The following GATAD2A variants were observed in gnomAD, a reference collection of about 807,000 sequenced individuals.
The protein encoded by GATAD2A is transcriptional repressor p66-alpha.
Under a neutral mutation model 68.5 loss-of-function variants are expected in GATAD2A, and 12 were observed. The ratio of observed to expected loss-of-function variants is 0.18; its 90% CI spans 0.11 to 0.28. The LOEUF (loss-of-function observed/expected upper bound fraction) is 0.28. Ranked by LOEUF, GATAD2A falls within the 10% of genes least tolerant of loss-of-function variation. GATAD2A has a pLI of 1.00. For missense variants in GATAD2A, 755 were observed against 868.5 expected, an observed-to-expected ratio of 0.87 and a Z score of 1.64; for synonymous variants, 410 against 375.3, an observed-to-expected ratio of 1.09 and a Z score of -1.07.
intron 1 of GATAD2A, among the ~76,000 whole-genome samples, chr19:19,428,669 C>G (rs950782269): frequency 3.9e-5 from 6 of 152,148 alleles, no homozygotes; most frequent in Non-Finnish European, 7.4e-5. Context: ...CTGAGCTTAC[C>G]AGAGGGCAGG....
intron 1 of GATAD2A, among the ~76,000 whole-genome samples, chr19:19,425,604 G>A (rs2052981655): frequency 6.6e-6 from 1 of 152,112 alleles, no homozygotes; most frequent in Admixed American, 6.6e-5. Flanking sequence ...CCGCTCTCTT[G>A]TTCCAGTTGG....
chr19:19,427,469 G>C (rs2053233230), intron 1 of GATAD2A: 1 of 152,190 alleles, frequency 6.6e-6, no homozygotes, highest in South Asian at 2.1e-4. Context: ...AAAAATGCAC[G>C]TGGTTCTAGA....
intron 1 of GATAD2A, among the ~76,000 whole-genome samples, chr19:19,412,248 G>A (rs867991563): frequency 4.6e-5 from 7 of 151,206 alleles, no homozygotes; most frequent in Non-Finnish European, 7.4e-5. Context: ...CTCCGCCTCC[G>A]GGGTTCATGC....
At chr19:19,407,948 C>A (rs2050466394) in intron 1 of GATAD2A, among the ~76,000 whole-genome samples, 1 of 152,204 alleles carries the variant, frequency 6.6e-6, no homozygotes, top group Admixed American at 6.5e-5. Flanking sequence ...ATGAAGATTG[C>A]TTCTCATCTT....
intron 9 of GATAD2A, 70 bp downstream of exon 9, chr19:19,501,486 C>G: frequency 1.7e-6 from 2 of 1,182,764 alleles, no homozygotes; most frequent in Non-Finnish European, 2.3e-6. Context: ...CACCCCACGC[C>G]TGCGCTGCAC....
chr19:19,447,771 C>G (rs2055902479), intron 1 of GATAD2A, among the ~76,000 whole-genome samples: 1 of 152,230 alleles, frequency 6.6e-6, no homozygotes, highest in Non-Finnish European at 1.5e-5. Context: ...GCAGGGCCTC[C>G]AGCCCACAGC....
At chr19:19,448,989 G>C (rs937712952) in intron 1 of GATAD2A, among the ~76,000 whole-genome samples, 5 of 152,152 alleles carry the variant, frequency 3.3e-5, no homozygotes, top group African/African-American at 9.7e-5. Context: ...TGGCCAGTGT[G>C]TGGACACTAT....
At chr19:19,416,078 T>A (rs1255419823) in intron 1 of GATAD2A, among the ~76,000 whole-genome samples, 3 of 151,968 alleles carry the variant, frequency 2.0e-5, no homozygotes, top group Admixed American at 6.6e-5. Context: ...CCCACCTTAG[T>A]CTCCTAAAGC....
At chr19:19,394,949 CT>C (rs1288420723) in intron 1 of GATAD2A, among the ~76,000 whole-genome samples, 1 of 151,606 alleles carries the variant, frequency 6.6e-6, no homozygotes, top group African/African-American at 2.4e-5. Flanking sequence ...TTCTGGTTGT[CT>C]TTTTTTTTCC....
chr19:19,501,026 G>T lies in GATAD2A; in HGVS notation c.1205-92G>T. 5 of 1,148,658 alleles carry T rather than the reference G, an allele frequency of 4.4e-6. No homozygotes were observed. The South Asian group carries it at 7.3e-5, about 17-fold the overall frequency. The allele number at this position is 1,148,658 out of a possible 1,614,324, so 71.2% of individuals were successfully genotyped here. A position where few individuals can be genotyped will look rare whatever the true frequency, so the allele number is the denominator to read the frequency against. Reference sequence around the variant, plus strand: ...ATTTGCAGAACGGACAGACTGTGGCGACTGAGACTCCAGCATCCTGGGCTG... The same window carrying T: ...ATTTGCAGAACGGACAGACTGTGGCTACTGAGACTCCAGCATCCTGGGCTG... On this transcript the variant is annotated intron_variant, in intron 8 of 11. Coordinates refer to ENST00000683918, the MANE Select transcript of GATAD2A (RefSeq NM_001384528.1).
chr19:19,492,845 C>T (rs1386116847), intron 4 of GATAD2A, 133 bp downstream of exon 4: 4 of 742,142 alleles, frequency 5.4e-6, no homozygotes, highest in African/African-American at 5.3e-5. Context: ...CCCACTCCCG[C>T]ATTTGTGGAC....
intron 2 of GATAD2A, among the ~76,000 whole-genome samples, chr19:19,466,542 C>T (rs2057881963): frequency 6.6e-6 from 1 of 152,210 alleles, no homozygotes; most frequent in South Asian, 2.1e-4. Flanking sequence ...TCAGCTAACC[C>T]CACAGGATGA....
intron 2 of GATAD2A, among the ~76,000 whole-genome samples, chr19:19,482,798 C>G (rs1029478942): frequency 3.3e-5 from 5 of 152,182 alleles, no homozygotes; most frequent in Non-Finnish European, 7.3e-5. Context: ...ATGTGTCTTC[C>G]TGTATTTCTA....
At chr19:19,504,170 C>T (rs763631360) in intron 11 of GATAD2A, among the ~76,000 whole-genome samples, 20 of 152,204 alleles carry the variant, frequency 1.3e-4, no homozygotes, top group Admixed American at 2.6e-4. Context: ...TGTGCCACTG[C>T]ACTCCAGCCT....
chr19:19,398,646 A>T (rs1036821467), intron 1 of GATAD2A, among the ~76,000 whole-genome samples: 5 of 151,310 alleles, frequency 3.3e-5, no homozygotes, highest in African/African-American at 7.2e-5. Flanking sequence ...AACAATTTAA[A>T]CTTACTTTCG....
intron 1 of GATAD2A, among the ~76,000 whole-genome samples, chr19:19,432,508 C>G (rs1448215761): frequency 6.6e-6 from 1 of 152,110 alleles, no homozygotes. Context: ...GCCATGTTGG[C>G]CAGGATGGTT....
At chr19:19,404,934 A>G (rs560949411), upstream of GATAD2A, among the ~76,000 whole-genome samples, 2 of 152,288 alleles carry the variant, frequency 1.3e-5, no homozygotes, top group East Asian at 1.9e-4. Flanking sequence ...CATGAACTTG[A>G]TATTTTCCCT....
At chr19:19,412,817 C>T (rs2051125438) in intron 1 of GATAD2A, among the ~76,000 whole-genome samples, 2 of 152,188 alleles carry the variant, frequency 1.3e-5, no homozygotes, top group South Asian at 4.1e-4. Context: ...CGGCTGCTTG[C>T]CCTGACCTCG....
intron 1 of GATAD2A, among the ~76,000 whole-genome samples, chr19:19,424,059 G>A (rs1482586615): frequency 6.6e-6 from 1 of 151,992 alleles, no homozygotes; most frequent in Admixed American, 6.6e-5. Flanking sequence ...GAGTAACTTG[G>A]GACTACAGGT....
Sources: allele counts gnomAD v4.1 joint callset (sites outside exome capture counted in the v4.1 genomes callset), GRCh38; gene constraint gnomAD v4.1.1; transcripts MANE v1.5; gene names NCBI Gene and HGNC (gene_info 2026-07-23, HGNC 2026-07-21).